LRBA: variants seen among roughly 807,000 people sequenced by gnomAD.
LRBA encodes lipopolysaccharide-responsive and beige-like anchor protein.
In LRBA, 176 loss-of-function variants were observed where a neutral mutation model predicts 330.0. The ratio of observed to expected loss-of-function variants is 0.53; its 90% confidence interval spans 0.47 to 0.60. LRBA has a LOEUF of 0.60. Among genes scored for constraint, LRBA ranks in the 20% least tolerant of loss-of-function variants. The probability of loss-of-function intolerance (pLI) is 0.00; values close to 1 mark genes in which losing one functional copy is unlikely to be tolerated. For missense variants in LRBA, 3,259 were observed against 3,444.8 expected (o/e 0.95, Z 1.35); for synonymous variants, 1,230 against 1,193.0 (o/e 1.03, Z -0.64).
intron 2 of LRBA, among the ~76,000 whole-genome samples, chr4:150,933,832 C>T (rs1047096223): frequency 6.6e-6 from 1 of 151,844 alleles, no homozygotes; most frequent in African/African-American, 2.4e-5. Flanking sequence ...GGGTCTTGAA[C>T]CAACATGGCG....
At chr4:150,612,161 C>T (rs1026646533) in intron 37 of LRBA, among the ~76,000 whole-genome samples, 1 of 151,968 alleles carries the variant, frequency 6.6e-6, no homozygotes, top group Non-Finnish European at 1.5e-5. Context: ...TGTTGCTGTT[C>T]TTCTTAAGAT....
intron 33 of LRBA, among the ~76,000 whole-genome samples, chr4:150,800,746 A>C (rs1004578858): frequency 1.3e-5 from 2 of 152,156 alleles, no homozygotes; most frequent in Admixed American, 6.5e-5. Flanking sequence ...TCACAATCTG[A>C]CCTCTCTAAA....
chr4:150,422,746 T>A lies in LRBA; in HGVS notation c.7042-7156A>T, dbSNP rs917234497. 5 of 1,140,476 alleles carry A rather than the reference T, an allele frequency of 4.4e-6. No homozygotes were observed. In the African/African-American group the frequency reaches 7.6e-5, roughly 17 times the overall value. 70.6% of individuals were successfully genotyped at this position (1,140,476 alleles called of 1,614,324 possible). ...AACCCACCTGAGGGCCCAAAGGGCTTCTTCATGACCTGGTGGCCAGCTGGG... is the reference window on the plus strand; with the variant it reads ...AACCCACCTGAGGGCCCAAAGGGCTACTTCATGACCTGGTGGCCAGCTGGG... On this transcript the variant is annotated intron_variant, in intron 46 of 56. Transcript: ENST00000651943.
chr4:150,268,257 T>C (rs1006759421), intron 56 of LRBA, among the ~76,000 whole-genome samples: 3 of 152,226 alleles, frequency 2.0e-5, no homozygotes, highest in East Asian at 3.9e-4. Context: ...ATTAGACTTA[T>C]GACAAGTGAA....
At chr4:150,284,994 T>G (rs1348449984) in intron 54 of LRBA, among the ~76,000 whole-genome samples, 1 of 152,234 alleles carries the variant, frequency 6.6e-6, no homozygotes, top group African/African-American at 2.4e-5. Flanking sequence ...TCCTGTTGGC[T>G]CAGGACGTAT....
chr4:150,346,126 T>C (rs1421824503), intron 48 of LRBA, among the ~76,000 whole-genome samples: 1 of 152,138 alleles, frequency 6.6e-6, no homozygotes, highest in African/African-American at 2.4e-5. Flanking sequence ...TTTAATGATA[T>C]TCAGAAAGTT....
intron 40 of LRBA, among the ~76,000 whole-genome samples, chr4:150,576,291 T>A (rs1191451446): frequency 1.3e-5 from 2 of 151,764 alleles, no homozygotes; most frequent in Non-Finnish European, 3.0e-5. Context: ...AATAAAAGAA[T>A]GTAGTGTTAC....
At position 150,928,001 on chromosome 4, in the gene LRBA, A is replaced by T. The variant is rs79734525; in HGVS notation, c.549+515T>A. ...ATATTTACTACTCCTCTTCAATGGG[A>T]CAGATAACTATATGGTGGAAGAAAC... On this transcript the variant is annotated intron_variant, in intron 4 of 56. Coordinates refer to ENST00000651943, the MANE Select transcript of LRBA (RefSeq NM_001364905.1). Among the ~76,000 whole-genome samples the T allele has an allele frequency of 1.7e-3, 266 of 152,302 alleles. 10 individuals carry two copies. The East Asian group carries it at 0.037, about 21-fold the overall frequency.
At chr4:150,627,195 T>C (rs572180686) in intron 37 of LRBA, among the ~76,000 whole-genome samples, 1 of 152,154 alleles carries the variant, frequency 6.6e-6, no homozygotes, top group Admixed American at 6.5e-5. Context: ...AAACACAAAA[T>C]GAGAGCCTGA....
At chr4:150,282,875 G>A (rs1747715052) in intron 54 of LRBA, among the ~76,000 whole-genome samples, 1 of 152,168 alleles carries the variant, frequency 6.6e-6, no homozygotes, top group African/African-American at 2.4e-5. Context: ...GTAAGTCCAA[G>A]TTCACTTTCC....
intron 35 of LRBA, among the ~76,000 whole-genome samples, chr4:150,737,955 C>A (rs979639419): frequency 6.6e-6 from 1 of 151,516 alleles, no homozygotes; most frequent in East Asian, 1.9e-4. Context: ...ATTCTAACCC[C>A]CTCCTCAAGT....
At chr4:150,919,600 A>G (rs1201202) in intron 5 of LRBA, among the ~76,000 whole-genome samples, 121,933 of 152,062 alleles carry the variant, frequency 0.8, 53,770 homozygotes, top group East Asian at 1. Context: ...GCATTAAGAA[A>G]AAAGGAAAAG....
At chr4:150,775,578 CTATAGAT>C (rs1737189574) in intron 34 of LRBA, among the ~76,000 whole-genome samples, 1 of 150,848 alleles carries the variant, frequency 6.6e-6, no homozygotes, top group African/African-American at 2.4e-5. Flanking sequence ...TAAAAGCTTC[CTATAGAT>C]CTAAAGGACA....
At chr4:150,647,771 T>A (rs1779301751) in intron 37 of LRBA, among the ~76,000 whole-genome samples, 1 of 152,064 alleles carries the variant, frequency 6.6e-6, no homozygotes, top group South Asian at 2.1e-4. Flanking sequence ...CACCACACTC[T>A]CAGCCTAACT....
intron 14 of LRBA, 26 bp downstream of exon 14, chr4:150,900,023 G>C (rs765207998): frequency 6.4e-7 from 1 of 1,557,734 alleles, no homozygotes; most frequent in Admixed American, 1.7e-5. Context: ...TTTGTGTAAA[G>C]TAATATACAG....
At chr4:150,420,412 C>T (rs1444209991) in intron 46 of LRBA, among the ~76,000 whole-genome samples, 55 of 121,068 alleles carry the variant, frequency 4.5e-4, no homozygotes, top group East Asian at 9.8e-4. Flanking sequence ...ATATAATACA[C>T]ATTATAGTAT....
chr4:150,559,921 A>T (rs12641960), intron 40 of LRBA, among the ~76,000 whole-genome samples: 2 of 70,080 alleles, frequency 2.9e-5, no homozygotes, highest in South Asian at 3.3e-4. Context: ...ATAATATATA[A>T]ATATAAATAT....
At chr4:150,373,676 G>T (rs930476967) in intron 47 of LRBA, among the ~76,000 whole-genome samples, 2 of 152,048 alleles carry the variant, frequency 1.3e-5, no homozygotes, top group African/African-American at 4.8e-5. Context: ...TTCAGTAGCT[G>T]CCCTCAATTA....
chr4:150,364,182 G>A (rs1293409275), intron 47 of LRBA, among the ~76,000 whole-genome samples: 1 of 152,140 alleles, frequency 6.6e-6, no homozygotes, highest in Non-Finnish European at 1.5e-5. Context: ...GTTATGCAAA[G>A]AAAATGCATC....
Sources: gnomAD v4.1 joint callset for allele counts (sites outside exome capture counted in the v4.1 genomes callset) on GRCh38, gnomAD v4.1.1 for gene constraint, MANE v1.5 for transcripts, NCBI Gene and HGNC (gene_info 2026-07-23, HGNC 2026-07-21) for gene names.